Variants in PDE4D observed in about 807,000 individuals in gnomAD.
PDE4D encodes the protein 3',5'-cyclic-AMP phosphodiesterase 4D.
A neutral mutation model predicts 87.4 loss-of-function variants in PDE4D; 24 were observed. The observed-to-expected ratio is 0.27, with a 90% CI of 0.20 to 0.39. The LOEUF (loss-of-function observed/expected upper bound fraction) is 0.39. PDE4D is among the 10% of genes least tolerant of loss of function. The probability of loss-of-function intolerance (pLI) is 1.00; values close to 1 mark genes in which losing one functional copy is unlikely to be tolerated. For missense variants in PDE4D, 714 were observed against 1,041.0 expected (o/e 0.69, Z 4.32); for synonymous variants, 384 against 383.2 (o/e 1.00, Z -0.02).
intron 2 of PDE4D, among the ~76,000 whole-genome samples, chr5:60,151,777 G>A (rs1781529142): frequency 6.6e-6 from 1 of 152,088 alleles, no homozygotes; most frequent in Non-Finnish European, 1.5e-5. Context: ...CCATTACTGT[G>A]TTGAACAAAA....
At chr5:59,451,670 A>G (rs113181452) in intron 1 of PDE4D, among the ~76,000 whole-genome samples, 2 of 152,070 alleles carry the variant, frequency 1.3e-5, no homozygotes, top group African/African-American at 2.4e-5. Context: ...TCCTACCTCT[A>G]TCTCTCAGAT....
Position 60,262,885 on chromosome 5 carries a change from G to T in PDE4D, c.-89-77198C>A, listed in dbSNP as rs531159562. ...AAAATGCAGTTGGAATCAAAGTAAG[G>T]TTTGCCTCAACTTTCTAATTATCTG... On this transcript the variant is annotated intron_variant, in intron 1 of 16. Coordinates refer to the PDE4D transcript ENST00000502484. 2.6e-5 allele frequency among the ~76,000 whole-genome samples: 4 copies of T among 152,292 alleles called. No individual in the cohort carries two copies. In the East Asian group the frequency reaches 7.7e-4, roughly 29 times the overall value.
At chr5:59,281,287 A>T (rs1446874756) in intron 1 of PDE4D, among the ~76,000 whole-genome samples, 1 of 152,106 alleles carries the variant, frequency 6.6e-6, no homozygotes, top group Non-Finnish European at 1.5e-5. Context: ...TGTGGCTTAG[A>T]GTCACAGACA....
At chr5:59,161,736 G>A (rs931655031) in intron 5 of PDE4D, among the ~76,000 whole-genome samples, 4 of 152,186 alleles carry the variant, frequency 2.6e-5, no homozygotes, top group Non-Finnish European at 4.4e-5. Flanking sequence ...AACTGTTAGC[G>A]AAAAGTACGT....
At chr5:59,348,127 AGTT>A (rs940766397) in intron 1 of PDE4D, among the ~76,000 whole-genome samples, 2 of 152,168 alleles carry the variant, frequency 1.3e-5, no homozygotes, top group African/African-American at 4.8e-5. Flanking sequence ...TTTATAAGTC[AGTT>A]GTTAATACCC....
chr5:59,014,583 C>T (rs1262606582), intron 6 of PDE4D, among the ~76,000 whole-genome samples: 1 of 152,084 alleles, frequency 6.6e-6, no homozygotes, highest in Admixed American at 6.6e-5. Context: ...ATCCAACTTA[C>T]AAGGGATGTG....
At chr5:59,764,133 T>A (rs1212756821) in intron 1 of PDE4D, among the ~76,000 whole-genome samples, 1 of 152,162 alleles carries the variant, frequency 6.6e-6, no homozygotes, top group Non-Finnish European at 1.5e-5. Flanking sequence ...TGACATACAC[T>A]CGTTTCTTTC....
intron 1 of PDE4D, among the ~76,000 whole-genome samples, chr5:59,687,471 C>G (rs1193546653): frequency 6.6e-6 from 1 of 152,132 alleles, no homozygotes; most frequent in East Asian, 1.9e-4. Context: ...TCCAGCCAAA[C>G]TAAGTTTCAT....
chr5:60,252,208 G>C (rs1748552187), intron 1 of PDE4D, among the ~76,000 whole-genome samples: 1 of 151,910 alleles, frequency 6.6e-6, no homozygotes, highest in Non-Finnish European at 1.5e-5. Context: ...CTCTCATTAA[G>C]TGATGCATGA....
At chr5:60,433,667 A>G (rs535404413) in intron 1 of PDE4D, among the ~76,000 whole-genome samples, 54 of 152,370 alleles carry the variant, frequency 3.5e-4, no homozygotes, top group African/African-American at 1.3e-3. Context: ...ACAAGGTATC[A>G]ACCAAAATGG....
chr5:60,248,448 G>C (rs113329698), intron 1 of PDE4D, among the ~76,000 whole-genome samples: 9 of 152,022 alleles, frequency 5.9e-5, no homozygotes, highest in African/African-American at 2.2e-4. Flanking sequence ...GGAAGCTGTT[G>C]GCAGGTTTGG....
At chr5:60,332,295 A>G (rs1257176252) in intron 1 of PDE4D, among the ~76,000 whole-genome samples, 2 of 152,182 alleles carry the variant, frequency 1.3e-5, no homozygotes, top group Non-Finnish European at 2.9e-5. Flanking sequence ...GATAGTGAAC[A>G]TAGTATCCAA....
chr5:59,710,071 A>C (rs776007396), intron 1 of PDE4D, among the ~76,000 whole-genome samples: 11 of 152,164 alleles, frequency 7.2e-5, no homozygotes, highest in Admixed American at 6.6e-5. Context: ...AGACATGGTG[A>C]CTATGTGCAT....
intron 3 of PDE4D, among the ~76,000 whole-genome samples, chr5:59,936,224 A>G (rs1326918632): frequency 6.6e-6 from 1 of 151,906 alleles, no homozygotes; most frequent in Admixed American, 6.6e-5. Context: ...GGTAGGGGGA[A>G]GGGGGAGGGA....
rs1160608547 is a variant in PDE4D at position 59,760,183 on chromosome 5, C to G, written c.455+132985G>C. 1.3e-4 allele frequency among the ~76,000 whole-genome samples: 20 copies of G among 152,066 alleles called. 1 individual carries two copies. Among genetic ancestry groups the G allele is most frequent in the Admixed American group, 1.3e-3 (20 of 15,252 alleles). ...GCTGAAGAAATAATGACTCAGAAAG[C>G]AAATGTTTACTTTTAAATATGAGCA... is the stretch of plus-strand genomic sequence containing the variant. On this transcript the variant is annotated intron_variant, in intron 1 of 14. Coordinates refer to ENST00000340635, the MANE Select transcript of PDE4D (RefSeq NM_001104631.2).
intron 3 of PDE4D, among the ~76,000 whole-genome samples, chr5:59,928,242 C>T (rs924464076): frequency 2.6e-5 from 4 of 152,218 alleles, no homozygotes; most frequent in Non-Finnish European, 4.4e-5. Context: ...CCTCCAAGGA[C>T]AGTTCTTTGG....
At chr5:59,021,225 C>T (rs1561322391) in intron 6 of PDE4D, among the ~76,000 whole-genome samples, 1 of 152,122 alleles carries the variant, frequency 6.6e-6, no homozygotes. Flanking sequence ...TGGCTGTCTT[C>T]ATATTCTTTC....
At chr5:59,497,487 A>G (rs1161117531) in intron 1 of PDE4D, among the ~76,000 whole-genome samples, 1 of 152,132 alleles carries the variant, frequency 6.6e-6, no homozygotes, top group Non-Finnish European at 1.5e-5. Context: ...TATATTAAGA[A>G]AGAACCAAAC....
At chr5:59,039,056 A>T in intron 5 of PDE4D, 85 bp from the exon 6 acceptor site, 1 of 1,510,294 alleles carries the variant, frequency 6.6e-7, no homozygotes, top group South Asian at 1.3e-5. Context: ...ATCCTGCCAT[A>T]CCCCGCCATG....
Sources: gnomAD v4.1 joint callset for allele counts (sites outside exome capture counted in the v4.1 genomes callset) on GRCh38, gnomAD v4.1.1 for gene constraint, MANE v1.5 for transcripts, NCBI Gene and HGNC (gene_info 2026-07-23, HGNC 2026-07-21) for gene names.